PPP1R14C: variants seen among roughly 807,000 people sequenced by gnomAD.
PPP1R14C encodes the protein protein phosphatase 1 regulatory inhibitor subunit 14C, also known as protein phosphatase 1 regulatory subunit 14C.
In PPP1R14C, 16 loss-of-function variants were observed where a neutral mutation model predicts 20.4. The ratio of observed to expected loss-of-function variants is 0.78; its 90% CI spans 0.53 to 1.19. The LOEUF (loss-of-function observed/expected upper bound fraction) is 1.19, where lower values mean the gene tolerates loss of function less well. Ranked by LOEUF, PPP1R14C falls within the 50% of genes most tolerant of loss-of-function variation. The pLI, the probability that PPP1R14C is intolerant of heterozygous loss-of-function variation, is 0.00. For missense variants in PPP1R14C, 211 were observed against 220.1 expected, an observed-to-expected ratio of 0.96 and a Z score of 0.26; for synonymous variants, 91 against 91.0, an observed-to-expected ratio of 1.00 and a Z score of 0.00.
At chr6:150,231,099 G>A (rs974075672) in intron 3 of PPP1R14C, among the ~76,000 whole-genome samples, 1 of 152,200 alleles carries the variant, frequency 6.6e-6, no homozygotes, top group African/African-American at 2.4e-5. Context: ...AGTAGAGGGT[G>A]GCCACTGTGA....
chr6:150,148,409 G>A (rs750882278), intron 1 of PPP1R14C, among the ~76,000 whole-genome samples: 16 of 152,220 alleles, frequency 1.1e-4, no homozygotes, highest in Non-Finnish European at 1.5e-4. Flanking sequence ...GGCAGAGCCT[G>A]GCACCTATGT....
chr6:150,215,279 AGAC>A (rs1425294257), intron 2 of PPP1R14C, among the ~76,000 whole-genome samples: 3 of 152,224 alleles, frequency 2.0e-5, no homozygotes, highest in Non-Finnish European at 4.4e-5. Flanking sequence ...TCTATTTAGT[AGAC>A]GATCTGTTCA....
At chr6:150,156,604 T>G (rs1040380633) in intron 1 of PPP1R14C, among the ~76,000 whole-genome samples, 1 of 152,236 alleles carries the variant, frequency 6.6e-6, no homozygotes, top group Admixed American at 6.5e-5. Context: ...GAGCTAATAC[T>G]CTACATAACA....
intron 1 of PPP1R14C, among the ~76,000 whole-genome samples, chr6:150,170,651 C>A (rs1022677890): frequency 6.6e-6 from 1 of 151,914 alleles, no homozygotes; most frequent in Non-Finnish European, 1.5e-5. Context: ...CCCGTGATAT[C>A]GAAGTAGACC....
chr6:150,242,097 C>A (rs958827166), intron 3 of PPP1R14C, among the ~76,000 whole-genome samples: 1 of 151,662 alleles, frequency 6.6e-6, no homozygotes, highest in African/African-American at 2.4e-5. Flanking sequence ...TCAAAACCTC[C>A]CCTCAAACAC....
intron 1 of PPP1R14C, among the ~76,000 whole-genome samples, chr6:150,175,750 G>A (rs1263390158): frequency 1.3e-5 from 2 of 152,188 alleles, no homozygotes; most frequent in African/African-American, 4.8e-5. Context: ...CATAACCCAT[G>A]GCTCTTGACT....
intron 1 of PPP1R14C, chr6:150,194,406 T>TACATA: frequency 1.0e-6 from 1 of 976,354 alleles, no homozygotes; most frequent in Non-Finnish European, 1.2e-6. Flanking sequence ...GTTTGTTTTG[T>TACATA]CTCTTGAGAG....
At chr6:150,147,559 G>A (rs1777193941) in intron 1 of PPP1R14C, among the ~76,000 whole-genome samples, 1 of 152,178 alleles carries the variant, frequency 6.6e-6, no homozygotes, top group Non-Finnish European at 1.5e-5. Context: ...TACTGGATAA[G>A]TCATATGAAT....
intron 3 of PPP1R14C, among the ~76,000 whole-genome samples, chr6:150,232,381 T>C (rs1247175184): frequency 6.6e-6 from 1 of 152,252 alleles, no homozygotes; most frequent in Non-Finnish European, 1.5e-5. Flanking sequence ...GAGCTTATTT[T>C]CACTTGTGTT....
At chr6:150,172,971 G>T (rs1777515913) in intron 1 of PPP1R14C, among the ~76,000 whole-genome samples, 1 of 152,044 alleles carries the variant, frequency 6.6e-6, no homozygotes, top group Non-Finnish European at 1.5e-5. Flanking sequence ...ACTGCTGCTT[G>T]CCTGGCCTCC....
At chr6:150,247,599 A>G (rs539568912) in intron 3 of PPP1R14C, among the ~76,000 whole-genome samples, 1 of 152,344 alleles carries the variant, frequency 6.6e-6, no homozygotes, top group South Asian at 2.1e-4. Context: ...TGTAGTAAGT[A>G]TCCTGTAAGT....
chr6:150,227,675 T>G (rs1473040832), intron 3 of PPP1R14C, among the ~76,000 whole-genome samples: 3 of 152,116 alleles, frequency 2.0e-5, no homozygotes, highest in Non-Finnish European at 4.4e-5. Context: ...GAATGCTAGA[T>G]TGGTGAGTTG....
intron 3 of PPP1R14C, among the ~76,000 whole-genome samples, chr6:150,242,311 T>C (rs1778441700): frequency 2.2e-5 from 1 of 45,000 alleles, no homozygotes; most frequent in Admixed American, 1.8e-4. Flanking sequence ...AAGATAAAGA[T>C]ATTACAAGAA....
intron 1 of PPP1R14C, among the ~76,000 whole-genome samples, chr6:150,144,395 A>G (rs1166005295): frequency 6.6e-6 from 1 of 152,124 alleles, no homozygotes; most frequent in Non-Finnish European, 1.5e-5. Flanking sequence ...AAACTGCAGC[A>G]AAACGACTGA....
At chr6:150,206,131 C>T (rs1016037040) in intron 1 of PPP1R14C, among the ~76,000 whole-genome samples, 3 of 152,148 alleles carry the variant, frequency 2.0e-5, no homozygotes, top group South Asian at 2.1e-4. Flanking sequence ...CCTGGCATTA[C>T]GTGTTTTCCC....
At chr6:150,145,702 C>G (rs576052942) in intron 1 of PPP1R14C, among the ~76,000 whole-genome samples, 2 of 152,188 alleles carry the variant, frequency 1.3e-5, no homozygotes, top group Admixed American at 6.5e-5. Context: ...CTTACAGCTC[C>G]GAACTTCATG....
intron 3 of PPP1R14C, among the ~76,000 whole-genome samples, chr6:150,219,963 C>T (rs1010392573): frequency 1.1e-4 from 17 of 152,126 alleles, no homozygotes; most frequent in Admixed American, 9.2e-4. Flanking sequence ...TCAAGCGATG[C>T]TCGTGCCTCA....
At chr6:150,220,452 A>AAGCGATTTT (rs1778153242) in intron 3 of PPP1R14C, among the ~76,000 whole-genome samples, 1 of 152,180 alleles carries the variant, frequency 6.6e-6, no homozygotes, top group Non-Finnish European at 1.5e-5. Flanking sequence ...TAATATAGGA[A>AAGCGATTTT]AGCGATTTTA....
intron 3 of PPP1R14C, among the ~76,000 whole-genome samples, chr6:150,243,764 A>G (rs1778460000): frequency 6.6e-6 from 1 of 152,216 alleles, no homozygotes; most frequent in South Asian, 2.1e-4. Context: ...CAAACTGGAA[A>G]CAACCCACAT....
Sources: allele counts gnomAD v4.1 joint callset (sites outside exome capture counted in the v4.1 genomes callset), GRCh38; gene constraint gnomAD v4.1.1; transcripts MANE v1.5; gene names NCBI Gene and HGNC (gene_info 2026-07-23, HGNC 2026-07-21).